Variants in FHIP1A observed in about 807,000 individuals in gnomAD.
The protein encoded by FHIP1A is FHF complex subunit HOOK-interacting protein 1A.
In FHIP1A, 61 loss-of-function variants were observed where a neutral mutation model predicts 88.6. The observed-to-expected ratio is 0.69, with a 90% CI of 0.56 to 0.85. The LOEUF (loss-of-function observed/expected upper bound fraction) is 0.85, where lower values mean the gene tolerates loss of function less well. Among genes scored for constraint, FHIP1A ranks in the 40% least tolerant of loss-of-function variants. FHIP1A has a pLI of 0.00. For synonymous variants in FHIP1A, 478 were observed against 496.0 expected (o/e 0.96, Z 0.48); for missense variants, 1,154 against 1,273.5 (o/e 0.91, Z 1.43).
At position 151,629,410 on chromosome 4, in the gene FHIP1A, C is replaced by T. The variant is rs540293615; in HGVS notation, c.979-292C>T. On this transcript the variant is annotated intron_variant, in intron 7 of 13. Coordinates refer to ENST00000435205, the MANE Select transcript of FHIP1A (RefSeq NM_001109977.3). ...TTTTTTCTTCATTTTTGATTACACT[C>T]TAAAATCTTTATGGTATTTGAACTG... Among the ~76,000 whole-genome samples, 7 of 152,298 alleles carry T rather than the reference C, an allele frequency of 4.6e-5. No individual in the cohort carries two copies. The South Asian group carries it at 8.3e-4, about 18-fold the overall frequency.
rs565063770 is a variant in FHIP1A at position 151,493,350 on chromosome 4, A to G, written c.-123+10702A>G. Among the ~76,000 whole-genome samples the G allele has an allele frequency of 5.9e-5, 9 of 152,298 alleles. No individual in the cohort carries two copies. In the East Asian group the frequency reaches 1.7e-3, roughly 29 times the overall value. Reference sequence around the variant, plus strand: ...ACAGTAATAAAAAAATTGCCAACAAATAAAGTCCAGGAACAGATGGATTTA... The same window carrying G: ...ACAGTAATAAAAAAATTGCCAACAAGTAAAGTCCAGGAACAGATGGATTTA... On this transcript the variant is annotated intron_variant, in intron 3 of 13. Coordinates refer to ENST00000435205, the MANE Select transcript of FHIP1A (RefSeq NM_001109977.3).
chr4:151,599,348 A>G, intron 7 of FHIP1A, among the ~76,000 whole-genome samples: 1 of 152,200 alleles, frequency 6.6e-6, no homozygotes. Flanking sequence ...CTGAATATTC[A>G]TTGGTATAGT....
chr4:151,670,088 G>GT lies in FHIP1A; in HGVS notation c.*7338dup, dbSNP rs1303947409. 6.6e-6 allele frequency: 1 copy of GT among 152,148 alleles called. No homozygotes were observed. Among genetic ancestry groups the GT allele is most frequent in the Non-Finnish European group, 1.5e-5 (1 of 68,022 alleles). 9.4% of individuals were successfully genotyped at this position (152,148 alleles called of 1,614,324 possible). On this transcript the variant is annotated 3_prime_UTR_variant, in exon 14 of 14. Coordinates refer to ENST00000435205, the MANE Select transcript of FHIP1A (RefSeq NM_001109977.3). ...AAGGATTTTATTCTCTTACATCACAGTTTTGACAAGTATGCTTTTAAAAAA... is the reference window on the plus strand; with the variant it reads ...AAGGATTTTATTCTCTTACATCACAGTTTTTGACAAGTATGCTTTTAAAAAA...
intron 1 of FHIP1A, among the ~76,000 whole-genome samples, chr4:151,432,574 A>T (rs1039890846): frequency 2.6e-5 from 4 of 152,220 alleles, no homozygotes; most frequent in Non-Finnish European, 5.9e-5. Context: ...GCTGTATTAG[A>T]TTGCAAAAAT....
intron 2 of FHIP1A, among the ~76,000 whole-genome samples, chr4:151,457,862 C>G (rs545626659): frequency 1.6e-4 from 24 of 152,236 alleles, no homozygotes; most frequent in African/African-American, 5.5e-4. Flanking sequence ...GAAAATACTT[C>G]TATCTCCAAA....
intron 7 of FHIP1A, 40 bp downstream of exon 7, chr4:151,588,966 C>T: frequency 4.6e-6 from 6 of 1,305,812 alleles, no homozygotes; most frequent in African/African-American, 1.5e-5. Context: ...CTCTATAATA[C>T]AAGTGATGGA....
intron 7 of FHIP1A, among the ~76,000 whole-genome samples, chr4:151,594,366 G>A (rs1210690435): frequency 5.3e-5 from 8 of 152,078 alleles, no homozygotes; most frequent in Non-Finnish European, 1.0e-4. Flanking sequence ...GAATTTGTCT[G>A]GTCCTGGGCT....
At chr4:151,574,509 ATATAT>A (rs1733710102) in intron 4 of FHIP1A, among the ~76,000 whole-genome samples, 1 of 152,066 alleles carries the variant, frequency 6.6e-6, no homozygotes, top group South Asian at 2.1e-4. Context: ...TTGCATGCAC[ATATAT>A]TGTATATATA....
At position 151,566,201 on chromosome 4, in the gene FHIP1A, G is replaced by A. The variant is rs1369264080; in HGVS notation, c.-59G>A. On this transcript the variant is annotated 5_prime_UTR_variant, in exon 4 of 14. Coordinates refer to ENST00000435205, the MANE Select transcript of FHIP1A (RefSeq NM_001109977.3). ...TTCTCAAACTTGAAAGTTAGTGACGGCTTACCAAATTTTAATGAAAATTAA... is the reference window on the plus strand; with the variant it reads ...TTCTCAAACTTGAAAGTTAGTGACGACTTACCAAATTTTAATGAAAATTAA... The A allele has an allele frequency of 4.6e-5, 51 of 1,120,858 alleles. No individual in the cohort carries two copies. The Admixed American group carries it at 6.6e-4, about 14-fold the overall frequency. The allele number at this position is 1,120,858 out of a possible 1,614,324, so 69.4% of individuals were successfully genotyped here. A position where few individuals can be genotyped will look rare whatever the true frequency, so the allele number is the denominator to read the frequency against.
chr4:151,621,655 C>T (rs1193993779), intron 7 of FHIP1A, among the ~76,000 whole-genome samples: 1 of 152,092 alleles, frequency 6.6e-6, no homozygotes, highest in East Asian at 1.9e-4. Context: ...ATACTTCATT[C>T]TAGAGAAGCT....
At chr4:151,590,532 C>G (rs892931481) in intron 7 of FHIP1A, among the ~76,000 whole-genome samples, 4 of 152,312 alleles carry the variant, frequency 2.6e-5, no homozygotes, top group Non-Finnish European at 5.9e-5. Context: ...CTATTGCTTG[C>G]TTAATGTCTT....
At chr4:151,422,714 C>T (rs760876271) in intron 1 of FHIP1A, among the ~76,000 whole-genome samples, 5 of 152,114 alleles carry the variant, frequency 3.3e-5, no homozygotes, top group African/African-American at 4.8e-5. Context: ...AGTGGAGGTA[C>T]TTCACTAGAT....
At chr4:151,477,385 A>T (rs918747091) in intron 2 of FHIP1A, among the ~76,000 whole-genome samples, 19 of 152,322 alleles carry the variant, frequency 1.2e-4, no homozygotes, top group African/African-American at 4.6e-4. Flanking sequence ...TATGATAAAC[A>T]AATTTAAAAT....
At chr4:151,442,805 A>G (rs920944853) in intron 1 of FHIP1A, among the ~76,000 whole-genome samples, 1 of 152,058 alleles carries the variant, frequency 6.6e-6, no homozygotes, top group African/African-American at 2.4e-5. Context: ...CATATGTTCT[A>G]TCCTTGTGTC....
intron 3 of FHIP1A, among the ~76,000 whole-genome samples, chr4:151,483,047 C>T (rs1011464180): frequency 6.6e-5 from 10 of 152,094 alleles, no homozygotes; most frequent in African/African-American, 2.4e-4. Flanking sequence ...AATTTGAAGA[C>T]TCATACACTG....
At chr4:151,538,586 T>C (rs1359513221) in intron 3 of FHIP1A, among the ~76,000 whole-genome samples, 1 of 152,232 alleles carries the variant, frequency 6.6e-6, no homozygotes, top group South Asian at 2.1e-4. Flanking sequence ...TTCTCCATGG[T>C]AAGTGAGCTC....
intron 1 of FHIP1A, among the ~76,000 whole-genome samples, chr4:151,446,113 A>G (rs1441471258): frequency 6.6e-6 from 1 of 151,916 alleles, no homozygotes; most frequent in Non-Finnish European, 1.5e-5. Flanking sequence ...AGGATACAGT[A>G]TATCAGTGTA....
intron 2 of FHIP1A, among the ~76,000 whole-genome samples, chr4:151,479,234 C>T (rs1374567424): frequency 6.6e-6 from 1 of 152,042 alleles, no homozygotes; most frequent in African/African-American, 2.4e-5. Flanking sequence ...ATGGCTTCTA[C>T]CTCTGTCTTC....
chr4:151,507,546 T>C (rs957733864), intron 3 of FHIP1A, among the ~76,000 whole-genome samples: 7 of 152,240 alleles, frequency 4.6e-5, no homozygotes, highest in African/African-American at 1.7e-4. Flanking sequence ...TAGTTAAGGA[T>C]TATCTAGTGG....
Sources: gnomAD v4.1 joint callset for allele counts (sites outside exome capture counted in the v4.1 genomes callset) on GRCh38, gnomAD v4.1.1 for gene constraint, MANE v1.5 for transcripts, NCBI Gene and HGNC (gene_info 2026-07-23, HGNC 2026-07-21) for gene names.